Variants in STX8 observed in about 807,000 individuals in gnomAD.
STX8 encodes syntaxin-8.
A neutral mutation model predicts 37.5 loss-of-function variants in STX8; 23 were observed. The observed-to-expected ratio is 0.61, with a 90% confidence interval of 0.44 to 0.87. The LOEUF is 0.87. STX8 is among the 40% of genes least tolerant of loss of function. The pLI is 0.00. For synonymous variants in STX8, 115 were observed against 99.1 expected, an observed-to-expected ratio of 1.16 and a Z score of -0.95; for missense variants, 313 against 284.7, an observed-to-expected ratio of 1.10 and a Z score of -0.71.
intron 7 of STX8, among the ~76,000 whole-genome samples, chr17:9,299,031 C>T (rs2429370): frequency 0.38 from 57,349 of 151,816 alleles, 11,385 homozygotes; most frequent in Middle Eastern, 0.51. Flanking sequence ...CGGTGTTTTG[C>T]GAGCCCTCTC....
intron 7 of STX8, among the ~76,000 whole-genome samples, chr17:9,315,238 C>G (rs1306983316): frequency 6.6e-6 from 1 of 151,980 alleles, no homozygotes; most frequent in East Asian, 1.9e-4. Flanking sequence ...TATACCCCCT[C>G]CCTCACTAAC....
intron 6 of STX8, among the ~76,000 whole-genome samples, chr17:9,418,445 T>G (rs1000551181): frequency 1.3e-5 from 2 of 151,314 alleles, no homozygotes; most frequent in East Asian, 3.9e-4. Flanking sequence ...TAAGAGGATT[T>G]ATTCAAGAAA....
intron 7 of STX8, among the ~76,000 whole-genome samples, chr17:9,299,591 C>T (rs1486794673): frequency 6.6e-6 from 1 of 151,884 alleles, no homozygotes; most frequent in Non-Finnish European, 1.5e-5. Flanking sequence ...CTACAGGCGC[C>T]CGCCACCACA....
chr17:9,360,546 C>A (rs1470563015), intron 7 of STX8, among the ~76,000 whole-genome samples: 1 of 151,494 alleles, frequency 6.6e-6, no homozygotes, highest in African/African-American at 2.4e-5. Context: ...TATTTACTCA[C>A]TTTCAAAAGA....
chr17:9,432,230 G>C (rs1472212085), intron 6 of STX8, among the ~76,000 whole-genome samples: 3 of 151,910 alleles, frequency 2.0e-5, no homozygotes, highest in African/African-American at 4.8e-5. Flanking sequence ...GGTAAAACAA[G>C]ATGTGGAGCA....
At chr17:9,455,084 T>C (rs569334856) in intron 6 of STX8, among the ~76,000 whole-genome samples, 1 of 151,850 alleles carries the variant, frequency 6.6e-6, no homozygotes, top group African/African-American at 2.4e-5. Context: ...GGTGTGGTGG[T>C]GTGCACTTGT....
At chr17:9,346,533 GTCAC>G (rs1465026847) in intron 7 of STX8, among the ~76,000 whole-genome samples, 1 of 152,190 alleles carries the variant, frequency 6.6e-6, no homozygotes, top group Non-Finnish European at 1.5e-5. Context: ...GTCACATCTG[GTCAC>G]TGTTCTTGAC....
At chr17:9,481,781 A>C (rs1258548840) in intron 6 of STX8, among the ~76,000 whole-genome samples, 1 of 152,196 alleles carries the variant, frequency 6.6e-6, no homozygotes, top group African/African-American at 2.4e-5. Flanking sequence ...TCAGATCAGC[A>C]GTGGCATTAG....
At chr17:9,340,188 T>C (rs1048578788) in intron 7 of STX8, among the ~76,000 whole-genome samples, 1 of 152,366 alleles carries the variant, frequency 6.6e-6, no homozygotes, top group Admixed American at 6.5e-5. Flanking sequence ...CAGTAACTCC[T>C]GTTTTCTCAG....
intron 7 of STX8, among the ~76,000 whole-genome samples, chr17:9,354,467 C>T (rs1242146758): frequency 6.6e-6 from 1 of 151,414 alleles, no homozygotes; most frequent in Non-Finnish European, 1.5e-5. Flanking sequence ...GATTACAGGC[C>T]CGTGCCAACA....
At chr17:9,290,580 A>G (rs1908279789) in intron 7 of STX8, among the ~76,000 whole-genome samples, 1 of 152,240 alleles carries the variant, frequency 6.6e-6, no homozygotes. Context: ...TTCCTTCCCA[A>G]CGGGAGAAAA....
At chr17:9,368,664 C>T (rs1032121066) in intron 7 of STX8, among the ~76,000 whole-genome samples, 6 of 152,096 alleles carry the variant, frequency 3.9e-5, no homozygotes, top group East Asian at 1.9e-4. Flanking sequence ...CTTTTCTTTC[C>T]GTCCTCCCTC....
intron 7 of STX8, among the ~76,000 whole-genome samples, chr17:9,256,804 T>C (rs993641718): frequency 2.0e-5 from 3 of 152,194 alleles, no homozygotes; most frequent in African/African-American, 7.2e-5. Context: ...CCTCACATCG[T>C]ACTCGGTCAC....
chr17:9,403,262 T>C (rs1361961530), intron 6 of STX8, among the ~76,000 whole-genome samples: 3 of 152,160 alleles, frequency 2.0e-5, no homozygotes, highest in African/African-American at 7.2e-5. Flanking sequence ...GTGGTGAAAG[T>C]ATCGATAAAG....
chr17:9,500,796 A>C lies in STX8; in HGVS notation c.448+4242T>G, dbSNP rs552931044. Among the ~76,000 whole-genome samples the C allele has an allele frequency of 4.6e-5, 7 of 152,180 alleles. No homozygotes were observed. In the South Asian group the frequency reaches 1.5e-3, roughly 32 times the overall value. ...GGCGGGCAGATCACGAGGTCAGGAG[A>C]TTGAGACCATCCTGGCTAACATGGT... On this transcript the variant is annotated intron_variant, in intron 5 of 7. Transcript: ENST00000306357.
intron 6 of STX8, among the ~76,000 whole-genome samples, chr17:9,451,187 A>G (rs8071640): frequency 0.26 from 40,152 of 152,014 alleles, 6,863 homozygotes; most frequent in East Asian, 0.7. Context: ...AATCCACACC[A>G]TAATCCCATT....
At chr17:9,438,492 T>C (rs1904524216) in intron 6 of STX8, among the ~76,000 whole-genome samples, 1 of 151,988 alleles carries the variant, frequency 6.6e-6, no homozygotes, top group African/African-American at 2.4e-5. Context: ...CACTAAGGTT[T>C]GGGAAACACG....
intron 4 of STX8, among the ~76,000 whole-genome samples, chr17:9,508,925 T>C (rs1196482456): frequency 6.6e-6 from 1 of 152,018 alleles, no homozygotes; most frequent in Non-Finnish European, 1.5e-5. Flanking sequence ...AGTCAAATTA[T>C]CAAAAGTCAA....
chr17:9,438,773 C>CA (rs1904535111), intron 6 of STX8, among the ~76,000 whole-genome samples: 1 of 151,906 alleles, frequency 6.6e-6, no homozygotes, highest in Admixed American at 6.6e-5. Context: ...ATTAAAAATA[C>CA]AAAAAATTAG....
Sources: gnomAD v4.1 joint callset for allele counts (sites outside exome capture counted in the v4.1 genomes callset) on GRCh38, gnomAD v4.1.1 for gene constraint, MANE v1.5 for transcripts, NCBI Gene and HGNC (gene_info 2026-07-23, HGNC 2026-07-21) for gene names.